Variants in CEMIP2 observed in about 807,000 individuals in gnomAD.
The protein encoded by CEMIP2 is cell migration inducing hyaluronidase 2, also known as cell surface hyaluronidase CEMIP2.
A neutral mutation model predicts 146.9 loss-of-function variants in CEMIP2; 79 were observed. The ratio of observed to expected loss-of-function variants is 0.54; its 90% CI spans 0.45 to 0.65. The LOEUF (loss-of-function observed/expected upper bound fraction) is 0.65. Among genes scored for constraint, CEMIP2 ranks in the 30% least tolerant of loss-of-function variants. The pLI is 0.00. For synonymous variants in CEMIP2, 601 were observed against 606.3 expected (o/e 0.99, Z 0.13); for missense variants, 1,596 against 1,696.2 (o/e 0.94, Z 1.04).
intron 15 of CEMIP2, 56 bp downstream of exon 15, chr9:71,714,878 G>T (rs756150981): frequency 2.1e-4 from 333 of 1,569,534 alleles, no homozygotes; most frequent in Non-Finnish European, 2.7e-4. Context: ...TTCCCTGAGG[G>T]TTAGGTTTTC....
intron 4 of CEMIP2, among the ~76,000 whole-genome samples, chr9:71,742,274 G>T (rs1823944707): frequency 6.6e-6 from 1 of 152,132 alleles, no homozygotes; most frequent in African/African-American, 2.4e-5. Context: ...AAAGCAGAAA[G>T]AATCAAATAA....
chr9:71,734,961 A>G lies in CEMIP2; in HGVS notation c.1238T>C (p.Val413Ala), dbSNP rs142435208. The G allele has an allele frequency of 2.7e-5, 44 of 1,613,400 alleles. No homozygotes were observed. The African/African-American group carries it at 5.9e-4, about 22-fold the overall frequency. ...VSLSGFRVEV[V>A]DGVKLNLLDD... ...TAGCAAATTTAGCTTCACTCCATCT[A>G]CAACCTCTACCCGGAATCCTGAAAG... The change falls in exon 6 of 24, where the codon GTA becomes GCA. Residue 413 changes from valine (V) to alanine (A), a missense_variant. Val to Ala is a moderately conservative substitution (Grantham distance 64, BLOSUM62 0). Transcript: ENST00000377044.
chr9:71,721,844 T>C (rs946235128), intron 12 of CEMIP2, among the ~76,000 whole-genome samples: 1 of 152,256 alleles, frequency 6.6e-6, no homozygotes, highest in Non-Finnish European at 1.5e-5. Flanking sequence ...TTGGCTCATA[T>C]ATAGCATGTA....
intron 17 of CEMIP2, among the ~76,000 whole-genome samples, chr9:71,708,226 T>C (rs185731761): frequency 6.6e-6 from 1 of 152,256 alleles, no homozygotes; most frequent in African/African-American, 2.4e-5. Flanking sequence ...CCTTTAATTG[T>C]CTGCATGGGG....
chr9:71,703,979 T>G (rs2131888355), intron 18 of CEMIP2, among the ~76,000 whole-genome samples: 1 of 152,340 alleles, frequency 6.6e-6, no homozygotes, highest in East Asian at 1.9e-4. Flanking sequence ...TCTGAACTCC[T>G]AGAAGGCAAG....
At chr9:71,703,090 A>G (rs1237354717) in intron 18 of CEMIP2, among the ~76,000 whole-genome samples, 1 of 152,200 alleles carries the variant, frequency 6.6e-6, no homozygotes, top group Non-Finnish European at 1.5e-5. Flanking sequence ...TCTGGCCACA[A>G]TGTGGACTAA....
intron 4 of CEMIP2, among the ~76,000 whole-genome samples, chr9:71,744,124 C>A (rs746583958): frequency 6.6e-6 from 1 of 152,032 alleles, no homozygotes; most frequent in African/African-American, 2.4e-5. Context: ...CCTATGAAGC[C>A]GATGTTTTGG....
intron 4 of CEMIP2, among the ~76,000 whole-genome samples, 196 bp from the exon 5 acceptor site, chr9:71,740,428 T>TA (rs1420434325): frequency 6.6e-6 from 1 of 152,244 alleles, no homozygotes; most frequent in African/African-American, 2.4e-5. Context: ...AGCTACTTTT[T>TA]AAATACTTGT....
At chr9:71,722,654 T>TTA in intron 11 of CEMIP2, 139 bp from the exon 12 acceptor site, 2 of 449,266 alleles carry the variant, frequency 4.5e-6, no homozygotes, top group South Asian at 6.6e-5. Context: ...AAAGGTACTG[T>TTA]AAAAAAAAAA....
intron 1 of CEMIP2, among the ~76,000 whole-genome samples, chr9:71,758,872 A>G (rs1429236645): frequency 1.3e-5 from 2 of 152,186 alleles, no homozygotes; most frequent in Non-Finnish European, 2.9e-5. Context: ...ACACTGTCCC[A>G]CAAGGCGCAT....
intron 2 of CEMIP2, among the ~76,000 whole-genome samples, chr9:71,746,559 A>G (rs541561751): frequency 6.0e-5 from 9 of 149,150 alleles, no homozygotes; most frequent in Admixed American, 4.7e-4. Context: ...TTACCACAAA[A>G]CTAAATTGCT....
intron 18 of CEMIP2, among the ~76,000 whole-genome samples, chr9:71,701,166 C>T (rs573006991): frequency 3.3e-5 from 5 of 152,032 alleles, no homozygotes; most frequent in African/African-American, 7.3e-5. Context: ...AGTGCAGTGG[C>T]GCGATCTCAG....
rs36080695 is a variant in CEMIP2 at position 71,685,395 on chromosome 9, T to TAAAAAAAAAA, written c.3956-12_3956-3dup. 1.5e-4 allele frequency: 175 copies of TAAAAAAAAAA among 1,178,760 alleles called. No individual in the cohort carries two copies. The highest frequency in any genetic ancestry group is 6.9e-4 in the South Asian group (24 of 34,716). The allele number at this position is 1,178,760 out of a possible 1,614,324, so 73.0% of individuals were successfully genotyped here. On this transcript the variant is annotated splice_region_variant and splice_polypyrimidine_tract_variant and intron_variant, in intron 23 of 23. Coordinates refer to ENST00000377044, the MANE Select transcript of CEMIP2 (RefSeq NM_013390.3). Reference sequence around the variant, plus strand: ...TGAATCCCAAAAATATGGTACTCCCTAAAAAAAAAAAAAAAAAAGAAAAAG... The same window carrying TAAAAAAAAAA: ...TGAATCCCAAAAATATGGTACTCCCTAAAAAAAAAAAAAAAAAAAAAAAAAAAAGAAAAAG...
rs375999876 is a variant in CEMIP2 at position 71,700,674 on chromosome 9, G to A, written c.3345C>T (p.Ser1115=). Residue 1115 remains serine, a synonymous_variant, in exon 19 of 24, where the codon TCC becomes TCT. Coordinates refer to ENST00000377044, the MANE Select transcript of CEMIP2 (RefSeq NM_013390.3). ...HSLEELQRKQ[S]ERKFYFDSST... ...TGGAGTCAAAATAGAATTTCCTCTCGGATTGCTTTCTTTGCAGTTCTTCCA... is the reference window on the plus strand; with the variant it reads ...TGGAGTCAAAATAGAATTTCCTCTCAGATTGCTTTCTTTGCAGTTCTTCCA... 2.2e-5 allele frequency: 35 copies of A among 1,606,730 alleles called. No individual in the cohort carries two copies. Among genetic ancestry groups the A allele is most frequent in the South Asian group, 3.3e-5 (3 of 89,560 alleles).
chr9:71,756,286 CTA>C (rs892046477), intron 1 of CEMIP2, among the ~76,000 whole-genome samples: 31 of 142,024 alleles, frequency 2.2e-4, no homozygotes, highest in Admixed American at 1.2e-3. Context: ...ATGTATATAC[CTA>C]TATATATATA....
chr9:71,687,462 C>CTGTGTGTGTGTGTGTGTGTGTGTGTG (rs71353506), intron 22 of CEMIP2: 2 of 141,328 alleles, frequency 1.4e-5, no homozygotes, highest in Admixed American at 1.4e-4. Flanking sequence ...TATTTATTTT[C>CTGTGTGTGTGTGTGTGTGTGTGTGTG]TGTGTGTGTG....
intron 14 of CEMIP2, among the ~76,000 whole-genome samples, chr9:71,715,627 T>TATATATATATATAG (rs1564005883): frequency 2.4e-5 from 2 of 82,456 alleles, no homozygotes; most frequent in Non-Finnish European, 4.3e-5. Flanking sequence ...CCTCTTAAGA[T>TATATATATATATAG]ATATATATAT....
At chr9:71,735,085 CAA>C in intron 5 of CEMIP2, 91 bp from the exon 6 acceptor site, 1 of 1,448,608 alleles carries the variant, frequency 6.9e-7, no homozygotes. Context: ...ATTCACAAAT[CAA>C]AAGTTAAGAT....
chr9:71,684,190 G>A lies in CEMIP2; in HGVS notation c.*1007C>T, dbSNP rs1481949883. 1 of 152,170 alleles carries A rather than the reference G, an allele frequency of 6.6e-6. No homozygotes were observed. The highest frequency in any genetic ancestry group is 1.5e-5 in the Non-Finnish European group (1 of 68,036). The allele number at this position is 152,170 out of a possible 1,614,324, so 9.4% of individuals were successfully genotyped here. On this transcript the variant is annotated 3_prime_UTR_variant, in exon 24 of 24. Coordinates refer to ENST00000377044, the MANE Select transcript of CEMIP2 (RefSeq NM_013390.3). ...GCGCTCCTTTTTTTCCTCCCTGGGT[G>A]TAATCATTTTGGGGTATCATTAAGC...
Sources: allele counts gnomAD v4.1 joint callset (sites outside exome capture counted in the v4.1 genomes callset), GRCh38; gene constraint gnomAD v4.1.1; transcripts MANE v1.5; gene names NCBI Gene and HGNC (gene_info 2026-07-23, HGNC 2026-07-21).